The following PCDHGA1 variants were observed in gnomAD, a reference collection of about 807,000 sequenced individuals.
PCDHGA1 encodes protocadherin gamma subfamily A, 1, also known as protocadherin gamma-A1.
PCDHGA1 carries 32 observed loss-of-function variants against 58.0 expected under a neutral mutation model. That is an observed-to-expected ratio of 0.55 (90% CI 0.42 to 0.74). PCDHGA1 has a LOEUF of 0.74. Ranked by LOEUF, PCDHGA1 falls within the 30% of genes least tolerant of loss-of-function variation. PCDHGA1 has a pLI of 0.00. For missense variants in PCDHGA1, 1,205 were observed against 1,182.3 expected (o/e 1.02, Z -0.28); for synonymous variants, 498 against 501.1 (o/e 0.99, Z 0.08).
chr5:141,438,681 G>T (rs2098050580), intron 1 of PCDHGA1, among the ~76,000 whole-genome samples: 1 of 142,154 alleles, frequency 7.0e-6, no homozygotes, highest in South Asian at 2.3e-4. Context: ...TGGAGTAGGG[G>T]ATGGAGTCTT....
At chr5:141,435,314 G>T (rs1490871069) in intron 1 of PCDHGA1, among the ~76,000 whole-genome samples, 6 of 152,006 alleles carry the variant, frequency 3.9e-5, no homozygotes, top group African/African-American at 9.7e-5. Flanking sequence ...AATCATTCAT[G>T]AACTTCCAAA....
rs1200487646 is a variant in PCDHGA1, at chr5:141,410,571, C to T, written c.2421+77466C>T. 3 of 1,612,028 alleles carry T rather than the reference C, an allele frequency of 1.9e-6. No homozygotes were observed. The highest frequency in any genetic ancestry group is 2.5e-6 in the Non-Finnish European group (3 of 1,179,884). On this transcript the variant is annotated intron_variant, in intron 1 of 3. Coordinates refer to ENST00000517417, the MANE Select transcript of PCDHGA1 (RefSeq NM_018912.3). The stretch of plus-strand genomic sequence containing the variant: ...AGTGTTTCTCCTGGAGCCTTAATTC[C>T]ACCTCATGGTGGGGAGGATTTGACT...
At chr5:141,377,180 A>G (rs1032248697) in intron 1 of PCDHGA1, 4 of 152,210 alleles carry the variant, frequency 2.6e-5, no homozygotes, top group African/African-American at 9.7e-5. Flanking sequence ...TCTTCTTGGC[A>G]AACTATTTGT....
At chr5:141,379,976 T>C (rs1459223613) in intron 1 of PCDHGA1, among the ~76,000 whole-genome samples, 1 of 140,200 alleles carries the variant, frequency 7.1e-6, no homozygotes, top group Admixed American at 8.2e-5. Flanking sequence ...CTCTGCTCAC[T>C]GCAACTTCCT....
At chr5:141,395,077 A>C (rs2093162583) in intron 1 of PCDHGA1, 1 of 1,614,024 alleles carries the variant, frequency 6.2e-7, no homozygotes, top group South Asian at 1.1e-5. Context: ...ACCTATTCCC[A>C]GGAAGTCTCC....
chr5:141,485,687 C>T lies in PCDHGA1; in HGVS notation c.2422-9120C>T. 1 of 1,614,066 alleles carries T rather than the reference C, an allele frequency of 6.2e-7. No individual in the cohort carries two copies. Among genetic ancestry groups the T allele is most frequent in the Non-Finnish European group, 8.5e-7 (1 of 1,179,966 alleles). ...GAGCAATTCGATTAGCAGCTATAGG[C>T]TGAGCTCCAATGAACACTTTGCACT... On this transcript the variant is annotated intron_variant, in intron 1 of 3. Transcript: ENST00000517417. The surrounding 1 kb of genome is among the most constrained non-coding windows in gnomAD (Gnocchi z 5.7).
rs773417426 is a variant in PCDHGA1 at position 141,333,036 on chromosome 5, C to T, written c.2352C>T (p.Ser784=). ...NYADTLISQE[S]CEKKGFLSAP... is the part of the protein sequence containing the mutation. ...CGGACACACTCATCAGCCAGGAGAGCTGTGAGAAAAAGGGTTTTCTATCAG... is the reference window on the plus strand; with the variant it reads ...CGGACACACTCATCAGCCAGGAGAGTTGTGAGAAAAAGGGTTTTCTATCAG... Residue 784 remains serine (S), a synonymous_variant, in exon 1 of 4, where the codon AGC becomes AGT. Coordinates refer to ENST00000517417, the MANE Select transcript of PCDHGA1 (RefSeq NM_018912.3). 8 of 1,614,072 alleles carry T rather than the reference C, an allele frequency of 5.0e-6. No individual in the cohort carries two copies. Among genetic ancestry groups the T allele is most frequent in the Non-Finnish European group, 6.8e-6 (8 of 1,180,044 alleles).
chr5:141,467,769 G>A (rs573567102), intron 1 of PCDHGA1, among the ~76,000 whole-genome samples: 9 of 151,590 alleles, frequency 5.9e-5, no homozygotes, highest in East Asian at 3.9e-4. Flanking sequence ...TCAAGTGCCC[G>A]CACCTCAGCC....
chr5:141,371,007 C>G, intron 1 of PCDHGA1: 2 of 1,613,962 alleles, frequency 1.2e-6, no homozygotes, highest in African/African-American at 2.7e-5. Flanking sequence ...CAGGGAAGAG[C>G]AGCCACATCA....
rs1301352900 is a variant in PCDHGA1, at chr5:141,491,765, A to T, written c.2422-3042A>T. ...GGCACTGGAGAAGCCGCCCGTCCTC[A>T]TAAGGGATTGAACTTGCATCCACTC... On this transcript the variant is annotated intron_variant, in intron 1 of 3. Transcript: ENST00000517417. The surrounding 1 kb of genome is among the most constrained non-coding windows in gnomAD (Gnocchi z 6.9). 1.3e-6 allele frequency: 2 copies of T among 1,569,228 alleles called. No individual in the cohort carries two copies. Among genetic ancestry groups the T allele is most frequent in the Non-Finnish European group, 1.7e-6 (2 of 1,158,736 alleles).
intron 1 of PCDHGA1, chr5:141,404,997 C>T: frequency 6.2e-7 from 1 of 1,614,034 alleles, no homozygotes; most frequent in East Asian, 2.2e-5. Flanking sequence ...CAGATCCCTG[C>T]AGACCTGGAG....
At chr5:141,403,081 T>C (rs772246285) in intron 1 of PCDHGA1, 1 of 1,614,048 alleles carries the variant, frequency 6.2e-7, no homozygotes, top group East Asian at 2.2e-5. Flanking sequence ...AAAAGGGCTA[T>C]ATTGTGGGCA....
intron 1 of PCDHGA1, among the ~76,000 whole-genome samples, chr5:141,454,617 G>T (rs2098794218): frequency 6.6e-6 from 1 of 151,322 alleles, no homozygotes; most frequent in Non-Finnish European, 1.5e-5. Context: ...TGTTGGTCAG[G>T]CTGGTCTCGA....
At chr5:141,403,046 C>T in intron 1 of PCDHGA1, 1 of 1,614,056 alleles carries the variant, frequency 6.2e-7, no homozygotes, top group Non-Finnish European at 8.5e-7. Flanking sequence ...CAGTCAGATT[C>T]GCTACTCAGT....
intron 1 of PCDHGA1, among the ~76,000 whole-genome samples, chr5:141,457,656 G>T (rs2098926936): frequency 6.6e-6 from 1 of 152,244 alleles, no homozygotes; most frequent in Non-Finnish European, 1.5e-5. Context: ...ATGAAGTGCA[G>T]CAAGAATGGT....
intron 1 of PCDHGA1, chr5:141,375,382 T>C (rs1197726438): frequency 6.2e-7 from 1 of 1,613,986 alleles, no homozygotes; most frequent in Non-Finnish European, 8.5e-7. Flanking sequence ...CACCTCTGTC[T>C]ACAGAAACAA....
intron 1 of PCDHGA1, among the ~76,000 whole-genome samples, chr5:141,471,855 G>A (rs955016680): frequency 3.3e-5 from 5 of 152,108 alleles, no homozygotes; most frequent in Non-Finnish European, 7.4e-5. Context: ...TTCAGAAAAA[G>A]CAAAACTGTG....
At chr5:141,494,752 T>G (rs889400984) in intron 1 of PCDHGA1, 55 bp from the exon 2 acceptor site, 6 of 1,612,324 alleles carry the variant, frequency 3.7e-6, no homozygotes, top group East Asian at 2.2e-5. Flanking sequence ...GGGGCTCGGG[T>G]GACATTCTAA....
At chr5:141,435,995 A>C (rs1033174115) in intron 1 of PCDHGA1, among the ~76,000 whole-genome samples, 2 of 152,144 alleles carry the variant, frequency 1.3e-5, no homozygotes, top group African/African-American at 4.8e-5. Context: ...TGATTTTTTG[A>C]AAGAAAGTAT....
Sources: allele counts gnomAD v4.1 joint callset (sites outside exome capture counted in the v4.1 genomes callset), GRCh38; gene constraint gnomAD v4.1.1; non-coding constraint Gnocchi (gnomAD v3.1); transcripts MANE v1.5; gene names NCBI Gene and HGNC (gene_info 2026-07-23, HGNC 2026-07-21).